Variants in KALRN observed in about 807,000 individuals in gnomAD.
KALRN encodes the protein kalirin.
In KALRN, 70 loss-of-function variants were observed where a neutral mutation model predicts 353.7. The observed-to-expected ratio is 0.20, with a 90% CI of 0.16 to 0.24. KALRN has a LOEUF of 0.24. Ranked by LOEUF, KALRN falls within the 10% of genes least tolerant of loss-of-function variation. The pLI is 1.00. For missense variants in KALRN, 2,791 were observed against 3,756.7 expected, an observed-to-expected ratio of 0.74 and a Z score of 6.72; for synonymous variants, 1,391 against 1,434.8, an observed-to-expected ratio of 0.97 and a Z score of 0.69.
intron 23 of KALRN, among the ~76,000 whole-genome samples, chr3:124,458,201 A>T (rs2059514108): frequency 6.9e-6 from 1 of 144,614 alleles, no homozygotes; most frequent in Admixed American, 7.2e-5. Flanking sequence ...GCTTGAGCCC[A>T]GGAGGCAGAG....
At chr3:124,250,061 G>T (rs147924836) in intron 3 of KALRN, among the ~76,000 whole-genome samples, 1 of 138,528 alleles carries the variant, frequency 7.2e-6, no homozygotes, top group African/African-American at 2.5e-5. Flanking sequence ...GGCATGGCCT[G>T]GGGGGGGTGG....
intron 27 of KALRN, among the ~76,000 whole-genome samples, chr3:124,477,795 T>C (rs573308318): frequency 8.6e-4 from 131 of 152,274 alleles, no homozygotes; most frequent in Middle Eastern, 6.8e-3. Context: ...TCCACTCAAG[T>C]TTGAGAATCA....
rs546983632 is a variant in KALRN, at chr3:124,502,341, G to A, written c.4935+5928G>A. On this transcript the variant is annotated intron_variant, in intron 33 of 59. Transcript: ENST00000682506. ...CTTCCAGAGCTCTGCAGTAGGAATT[G>A]CATGGAGTTTGCCCTGCCTTGAGGC... 2.6e-5 allele frequency among the ~76,000 whole-genome samples: 4 copies of A among 152,298 alleles called. No homozygotes were observed. In the East Asian group the frequency reaches 7.7e-4, roughly 29 times the overall value.
chr3:124,064,049 T>A (rs191211257), intron 1 of KALRN, among the ~76,000 whole-genome samples: 20 of 152,192 alleles, frequency 1.3e-4, no homozygotes, highest in African/African-American at 4.6e-4. Context: ...TTGACCAACA[T>A]TTGTCAAGTG....
At chr3:124,517,831 A>G (rs1031989650) in intron 33 of KALRN, among the ~76,000 whole-genome samples, 1 of 152,242 alleles carries the variant, frequency 6.6e-6, no homozygotes, top group African/African-American at 2.4e-5. Context: ...ACGATGTACT[A>G]TATAAATGGG....
intron 10 of KALRN, among the ~76,000 whole-genome samples, chr3:124,372,706 G>A (rs1051519356): frequency 6.6e-6 from 1 of 152,054 alleles, no homozygotes; most frequent in Non-Finnish European, 1.5e-5. Flanking sequence ...TTATCACAGT[G>A]TAGTGAACTA....
At chr3:124,060,488 G>C (rs1263934857) in intron 1 of KALRN, among the ~76,000 whole-genome samples, 2 of 152,204 alleles carry the variant, frequency 1.3e-5, no homozygotes, top group African/African-American at 4.8e-5. Context: ...TTAGGGGCCA[G>C]TGCAAACCTC....
chr3:124,075,897 A>T (rs2060236618), intron 1 of KALRN, among the ~76,000 whole-genome samples: 1 of 152,178 alleles, frequency 6.6e-6, no homozygotes, highest in African/African-American at 2.4e-5. Flanking sequence ...GAGTCAGGGC[A>T]AACTCTGTTT....
chr3:124,389,706 A>G (rs2089027663), intron 11 of KALRN, among the ~76,000 whole-genome samples: 1 of 152,242 alleles, frequency 6.6e-6, no homozygotes, highest in South Asian at 2.1e-4. Context: ...CTTGTGGTAT[A>G]ATATATAAAA....
intron 25 of KALRN, 57 bp from the exon 26 acceptor site, chr3:124,474,606 C>A: frequency 7.2e-7 from 1 of 1,398,148 alleles, no homozygotes; most frequent in Non-Finnish European, 1.0e-6. Context: ...TCAGTGCAAT[C>A]CTCTGGGGGG....
intron 18 of KALRN, 152 bp downstream of exon 18, chr3:124,439,189 C>G: frequency 2.5e-6 from 1 of 393,412 alleles, no homozygotes; most frequent in Non-Finnish European, 4.3e-6. Flanking sequence ...TCTTCTCCTT[C>G]TCTCTCTCTC....
intron 10 of KALRN, among the ~76,000 whole-genome samples, chr3:124,372,693 G>A (rs551212736): frequency 2.6e-5 from 4 of 151,860 alleles, no homozygotes; most frequent in African/African-American, 9.7e-5. Context: ...ACTCTATCAC[G>A]TGTTATCACA....
At chr3:124,462,066 G>A in intron 24 of KALRN, 110 bp downstream of exon 24, 1 of 754,340 alleles carries the variant, frequency 1.3e-6, no homozygotes. Context: ...AGAGAGTAAT[G>A]AATTAAAAAG....
chr3:124,439,198 T>A (rs571221483), intron 18 of KALRN, among the ~76,000 whole-genome samples, 161 bp downstream of exon 18: 10,066 of 125,382 alleles, frequency 0.08, 533 homozygotes, highest in East Asian at 0.17. Context: ...TCTCTCTCTC[T>A]CTCACACACA....
chr3:124,282,379 C>CTT lies in KALRN; in HGVS notation c.969+13139_969+13140dup, dbSNP rs34148546. ...TGTTGCATTTCTGCCCTACATTTTT[C>CTT]TTTTTTTTTTTTTTTTGAGATGGAG... On this transcript the variant is annotated intron_variant, in intron 5 of 59. Coordinates refer to ENST00000682506, the MANE Select transcript of KALRN (RefSeq NM_001388419.1). Among the ~76,000 whole-genome samples the CTT allele has an allele frequency of 3.4e-3, 458 of 134,782 alleles. 6 individuals are homozygous for CTT. Among genetic ancestry groups the CTT allele is most frequent in the African/African-American group, 9.4e-3 (345 of 36,882 alleles). The allele number at this position is 134,782 out of a possible 152,430, so 88.4% of individuals were successfully genotyped here.
intron 1 of KALRN, among the ~76,000 whole-genome samples, chr3:124,051,968 G>A (rs1232088731): frequency 6.6e-6 from 1 of 152,196 alleles, no homozygotes; most frequent in Non-Finnish European, 1.5e-5. Context: ...AGAGAGAGTT[G>A]AGCTAGAAGG....
chr3:124,196,054 C>T (rs988577742), intron 1 of KALRN, among the ~76,000 whole-genome samples: 3 of 152,124 alleles, frequency 2.0e-5, no homozygotes, highest in African/African-American at 7.2e-5. Context: ...GGGTGTTTTC[C>T]GTGACCCCAC....
At chr3:124,463,990 G>A (rs895387615) in intron 25 of KALRN, among the ~76,000 whole-genome samples, 10 of 152,042 alleles carry the variant, frequency 6.6e-5, no homozygotes, top group African/African-American at 1.2e-4. Context: ...ATTTTAACAC[G>A]ATCCATTTGG....
intron 1 of KALRN, chr3:124,094,978 C>T (rs1190882427): frequency 1.8e-5 from 24 of 1,364,286 alleles, no homozygotes; most frequent in Non-Finnish European, 2.5e-5. Flanking sequence ...AAGAGACATG[C>T]AGAAAGACAC....
Sources: gnomAD v4.1 joint callset for allele counts (sites outside exome capture counted in the v4.1 genomes callset) on GRCh38, gnomAD v4.1.1 for gene constraint, MANE v1.5 for transcripts, NCBI Gene and HGNC (gene_info 2026-07-23, HGNC 2026-07-21) for gene names.